The following DOCK9 variants were observed in gnomAD, a reference collection of about 807,000 sequenced individuals.
DOCK9 encodes the protein dedicator of cytokinesis protein 9.
A neutral mutation model predicts 263.3 loss-of-function variants in DOCK9; 89 were observed. The observed-to-expected ratio is 0.34, with a 90% CI of 0.28 to 0.40. The LOEUF is 0.40. Among genes scored for constraint, DOCK9 ranks in the 10% least tolerant of loss-of-function variants. The pLI, the probability that DOCK9 is intolerant of heterozygous loss-of-function variation, is 1.00. For missense variants in DOCK9, 2,140 were observed against 2,603.4 expected, an observed-to-expected ratio of 0.82 and a Z score of 3.87; for synonymous variants, 976 against 973.1, an observed-to-expected ratio of 1.00 and a Z score of -0.06.
chr13:98,950,299 C>A (rs1200477590), intron 2 of DOCK9: 2 of 764,232 alleles, frequency 2.6e-6, no homozygotes, highest in African/African-American at 1.8e-5. Context: ...TGATTCCAGT[C>A]GCTTAAACCT....
chr13:98,855,872 A>T (rs765579528), intron 34 of DOCK9, 26 bp downstream of exon 34: 1 of 1,612,682 alleles, frequency 6.2e-7, no homozygotes, highest in Admixed American at 1.7e-5. Context: ...TATAAGAAAC[A>T]TTTGTGTTGG....
intron 49 of DOCK9, among the ~76,000 whole-genome samples, chr13:98,804,320 C>G (rs566998899): frequency 5.3e-5 from 8 of 152,282 alleles, no homozygotes; most frequent in South Asian, 2.1e-4. Flanking sequence ...AGCTCTCCCA[C>G]AGAAGGTAAA....
intron 1 of DOCK9, among the ~76,000 whole-genome samples, chr13:98,974,278 G>C (rs1003707778): frequency 1.3e-5 from 2 of 152,064 alleles, no homozygotes; most frequent in African/African-American, 4.8e-5. Flanking sequence ...AGCCCCCAAA[G>C]CCATTTCTCA....
intron 1 of DOCK9, among the ~76,000 whole-genome samples, chr13:99,050,405 C>T (rs1369553830): frequency 6.6e-6 from 1 of 152,110 alleles, no homozygotes; most frequent in East Asian, 1.9e-4. Context: ...ATCCAATCAA[C>T]ATGTCATGAC....
chr13:98,926,837 A>G (rs1413709498), intron 3 of DOCK9, among the ~76,000 whole-genome samples: 1 of 152,266 alleles, frequency 6.6e-6, no homozygotes, highest in Non-Finnish European at 1.5e-5. Context: ...AAATGTATTT[A>G]TGCCTTATCT....
chr13:98,839,235 ATGC>A (rs1307718498), intron 38 of DOCK9, among the ~76,000 whole-genome samples: 1 of 152,208 alleles, frequency 6.6e-6, no homozygotes, highest in Non-Finnish European at 1.5e-5. Context: ...ATCTCGCACC[ATGC>A]TAGTTCTATT....
At chr13:98,870,572 A>G (rs1265564677) in intron 27 of DOCK9, among the ~76,000 whole-genome samples, 1 of 152,166 alleles carries the variant, frequency 6.6e-6, no homozygotes, top group Non-Finnish European at 1.5e-5. Context: ...GGCTGCTAAA[A>G]CCAGGAAAAG....
chr13:99,087,708 C>T (rs2042380462), upstream of DOCK9: 1 of 152,408 alleles, frequency 6.6e-6, no homozygotes, highest in African/African-American at 2.4e-5. Flanking sequence ...TGCGCCAGGC[C>T]CGCGGCGCAT....
At chr13:98,811,315 G>A (rs1317513641) in intron 45 of DOCK9, among the ~76,000 whole-genome samples, 2 of 151,824 alleles carry the variant, frequency 1.3e-5, no homozygotes, top group East Asian at 1.9e-4. Flanking sequence ...TTTTTCTACT[G>A]GATTGCTTAT....
chr13:98,795,145 A>ATAAGGCAACGTGAGGTCTACT lies in DOCK9; in HGVS notation c.6157-418_6157-398dup, dbSNP rs1451231964. Among the ~76,000 whole-genome samples, 8 of 152,024 alleles carry ATAAGGCAACGTGAGGTCTACT rather than the reference A, an allele frequency of 5.3e-5. 1 individual carries two copies. Among genetic ancestry groups the ATAAGGCAACGTGAGGTCTACT allele is most frequent in the African/African-American group, 1.7e-4 (7 of 41,576 alleles). ...GAGAGCCTTCTACGCTCACCAGATC[A>ATAAGGCAACGTGAGGTCTACT]TAAGGCAACGTGAGGTCTACTTAAG... On this transcript the variant is annotated intron_variant, in intron 52 of 52. Transcript: ENST00000682017.
chr13:98,823,501 G>A (rs2092387872), intron 45 of DOCK9, among the ~76,000 whole-genome samples: 1 of 152,202 alleles, frequency 6.6e-6, no homozygotes, highest in African/African-American at 2.4e-5. Flanking sequence ...CAGCAGAGGC[G>A]GAAGAGACTG....
chr13:98,943,607 A>G (rs1436551925), intron 2 of DOCK9, among the ~76,000 whole-genome samples: 1 of 152,206 alleles, frequency 6.6e-6, no homozygotes, highest in East Asian at 1.9e-4. Context: ...ATATGCTCTA[A>G]TGACCTCAAA....
chr13:99,042,430 G>T (rs927552836), intron 1 of DOCK9, among the ~76,000 whole-genome samples: 1 of 152,202 alleles, frequency 6.6e-6, no homozygotes, highest in East Asian at 1.9e-4. Context: ...GCTGAACGGG[G>T]ATCCTTCCCA....
chr13:98,809,516 G>A (rs764923706), intron 46 of DOCK9, 51 bp from the exon 47 acceptor site: 101 of 1,440,678 alleles, frequency 7.0e-5, no homozygotes, highest in Non-Finnish European at 9.3e-5. Flanking sequence ...GAGGAGAATC[G>A]ATTTTAAAAT....
chr13:99,056,400 C>T (rs1189816761), intron 1 of DOCK9, among the ~76,000 whole-genome samples: 3 of 151,794 alleles, frequency 2.0e-5, no homozygotes, highest in Non-Finnish European at 4.4e-5. Context: ...AGGTTACATA[C>T]TAAATATGCA....
At chr13:98,963,489 C>A (rs912932838) in intron 1 of DOCK9, among the ~76,000 whole-genome samples, 4 of 152,184 alleles carry the variant, frequency 2.6e-5, no homozygotes, top group African/African-American at 4.8e-5. Context: ...AATTTCACTG[C>A]TCTTGCCTCG....
At chr13:98,872,896 G>A (rs1027291419) in intron 27 of DOCK9, among the ~76,000 whole-genome samples, 6 of 152,276 alleles carry the variant, frequency 3.9e-5, no homozygotes, top group Non-Finnish European at 8.8e-5. Flanking sequence ...AGCTGCATTT[G>A]TACCAAGGCC....
intron 32 of DOCK9, among the ~76,000 whole-genome samples, chr13:98,861,474 T>C (rs2093869161): frequency 1.3e-5 from 2 of 152,236 alleles, no homozygotes; most frequent in African/African-American, 2.4e-5. Context: ...CTGAAATTCA[T>C]AGCAGATAAG....
chr13:98,987,971 C>T (rs1303040055), intron 1 of DOCK9, among the ~76,000 whole-genome samples: 1 of 151,800 alleles, frequency 6.6e-6, no homozygotes, highest in Non-Finnish European at 1.5e-5. Context: ...AAAATAAAAA[C>T]ATTAAAAAAA....
Sources: allele counts gnomAD v4.1 joint callset (sites outside exome capture counted in the v4.1 genomes callset), GRCh38; gene constraint gnomAD v4.1.1; transcripts MANE v1.5; gene names NCBI Gene and HGNC (gene_info 2026-07-23, HGNC 2026-07-21).